PCNX1: variants seen among roughly 807,000 people sequenced by gnomAD.
PCNX1 encodes pecanex-like protein 1.
PCNX1 carries 78 observed loss-of-function variants against 242.2 expected under a neutral mutation model. The observed-to-expected ratio is 0.32, with a 90% confidence interval of 0.27 to 0.39. The LOEUF is 0.39. PCNX1 is among the 10% of genes least tolerant of loss of function. The probability of loss-of-function intolerance (pLI) is 1.00; values close to 1 mark genes in which losing one functional copy is unlikely to be tolerated. For missense variants in PCNX1, 2,581 were observed against 2,856.5 expected (o/e 0.90, Z 2.20); for synonymous variants, 1,024 against 1,032.9 (o/e 0.99, Z 0.17).
intron 1 of PCNX1, among the ~76,000 whole-genome samples, chr14:70,937,204 T>TA (rs1356971962): frequency 6.6e-6 from 1 of 152,238 alleles, no homozygotes; most frequent in Non-Finnish European, 1.5e-5. Flanking sequence ...ATGAAGTCCT[T>TA]ACCCATGCCT....
chr14:70,957,464 T>G (rs967218285), intron 2 of PCNX1, among the ~76,000 whole-genome samples: 1 of 152,180 alleles, frequency 6.6e-6, no homozygotes. Context: ...GAAATACTGA[T>G]GCATGCTACG....
At chr14:71,010,297 ATCAG>A (rs2059787809) in intron 9 of PCNX1, among the ~76,000 whole-genome samples, 1 of 152,120 alleles carries the variant, frequency 6.6e-6, no homozygotes, top group East Asian at 1.9e-4. Flanking sequence ...ATAAAAGCTA[ATCAG>A]GACTTACTCT....
At chr14:70,915,077 A>T (rs1158005858) in intron 1 of PCNX1, among the ~76,000 whole-genome samples, 1 of 152,206 alleles carries the variant, frequency 6.6e-6, no homozygotes, top group African/African-American at 2.4e-5. Flanking sequence ...GTTGAGATTA[A>T]TCCATGGTGT....
At chr14:70,949,276 CGT>C (rs1398655563) in intron 2 of PCNX1, among the ~76,000 whole-genome samples, 4 of 29,442 alleles carry the variant, frequency 1.4e-4, no homozygotes, top group African/African-American at 4.1e-4. Context: ...TATGCACACA[CGT>C]GTATACACAC....
chr14:71,036,734 T>G (rs1033104991), intron 19 of PCNX1, among the ~76,000 whole-genome samples: 9 of 152,246 alleles, frequency 5.9e-5, no homozygotes, highest in African/African-American at 9.6e-5. Context: ...TTGGACTTAT[T>G]TCTGATTCGA....
At chr14:71,098,549 T>TGAGAGAGA (rs1262195701) in intron 30 of PCNX1, among the ~76,000 whole-genome samples, 58 of 128,092 alleles carry the variant, frequency 4.5e-4, no homozygotes, top group African/African-American at 1.7e-3. Flanking sequence ...TGTGTGTGTG[T>TGAGAGAGA]GTGTGAGAGA....
chr14:70,939,363 T>G (rs2057140040), intron 1 of PCNX1, among the ~76,000 whole-genome samples: 1 of 152,222 alleles, frequency 6.6e-6, no homozygotes, highest in African/African-American at 2.4e-5. Flanking sequence ...AAGAACATCT[T>G]TATTTCTGCT....
intron 30 of PCNX1, among the ~76,000 whole-genome samples, chr14:71,100,789 TTTA>T (rs1325845753): frequency 6.6e-6 from 1 of 152,202 alleles, no homozygotes; most frequent in East Asian, 1.9e-4. Context: ...CTTCATTTCT[TTTA>T]TTCTTTTTTC....
Position 71,103,489 on chromosome 14 carries a change from A to G in PCNX1, c.5915A>G (p.Asn1972Ser). ...AACCCAGAGAGAGGTAGCATCCAAA[A>G]TGCAAAGCAAGCCCTGAGAAACATG... ...NRNPERGSIQ[N>S]AKQALRNMIN... The change falls in exon 32 of 36, where the codon AAT (asparagine) becomes AGT (serine). Residue 1972 changes from asparagine (N) to serine (S), a missense_variant. By Grantham distance (46) the Asn-to-Ser change is conservative (BLOSUM62 1). This residue lies in a region of PCNX1 where 298 missense variants were observed against 480.1 expected (regional missense o/e 0.62). Coordinates refer to ENST00000304743, the MANE Select transcript of PCNX1 (RefSeq NM_014982.3). 1 of 1,614,208 alleles carries G rather than the reference A, an allele frequency of 6.2e-7. No individual in the cohort carries two copies. Among genetic ancestry groups the G allele is most frequent in the Non-Finnish European group, 8.5e-7 (1 of 1,180,030 alleles).
chr14:71,009,871 G>T, intron 9 of PCNX1, 147 bp downstream of exon 9: 1 of 463,950 alleles, frequency 2.2e-6, no homozygotes, highest in Non-Finnish European at 3.8e-6. Context: ...AAATATTTAT[G>T]GCATACAACC....
chr14:71,098,541 T>TGA (rs1354142556), intron 30 of PCNX1, among the ~76,000 whole-genome samples: 1 of 138,446 alleles, frequency 7.2e-6, no homozygotes, highest in Non-Finnish European at 1.6e-5. Flanking sequence ...TGTGTGTGTG[T>TGA]GTGTGTGTGT....
At chr14:70,969,134 G>T (rs747624759) in intron 5 of PCNX1, 24 bp downstream of exon 5, 1 of 1,353,958 alleles carries the variant, frequency 7.4e-7, no homozygotes, top group Non-Finnish European at 1.1e-6. Context: ...ACTTTACCAT[G>T]ATGTCATATA....
rs138108698 is a variant in PCNX1, at chr14:71,075,395, GAA to G, written c.5107-793_5107-792del. 8.9e-3 allele frequency among the ~76,000 whole-genome samples: 1,354 copies of G among 152,180 alleles called. 9 individuals are homozygous for G. The highest frequency in any genetic ancestry group is 0.017 in the South Asian group (82 of 4,826). On this transcript the variant is annotated intron_variant, in intron 27 of 35. Coordinates refer to ENST00000304743, the MANE Select transcript of PCNX1 (RefSeq NM_014982.3). Reference sequence around the variant, plus strand: ...TATGTTTGGCTTAACCTAACCTCAGGAAGCTAGAGATTGATTTCACAATATTT... The same window carrying G: ...TATGTTTGGCTTAACCTAACCTCAGGGCTAGAGATTGATTTCACAATATTT...
intron 26 of PCNX1, among the ~76,000 whole-genome samples, chr14:71,060,016 TTC>T (rs2061284639): frequency 6.6e-6 from 1 of 152,220 alleles, no homozygotes; most frequent in Admixed American, 6.5e-5. Context: ...GAATGTCCCT[TTC>T]TCAGAGAAGC....
intron 2 of PCNX1, among the ~76,000 whole-genome samples, chr14:70,959,221 C>CT (rs35385199): frequency 0.032 from 4,591 of 141,524 alleles, 91 homozygotes; most frequent in African/African-American, 0.049. Context: ...TTCCTGTTAT[C>CT]TTTTTTTTTT....
chr14:71,022,877 T>G (rs905756741), intron 12 of PCNX1, among the ~76,000 whole-genome samples: 2 of 152,090 alleles, frequency 1.3e-5, no homozygotes, highest in African/African-American at 4.8e-5. Context: ...ATACCTTAAC[T>G]CCACTTGTAT....
intron 1 of PCNX1, among the ~76,000 whole-genome samples, chr14:70,908,976 G>A (rs989580625): frequency 2.6e-5 from 4 of 152,234 alleles, no homozygotes; most frequent in Non-Finnish European, 5.9e-5. Flanking sequence ...AAATTTTAAA[G>A]TAGTCAGAGG....
intron 2 of PCNX1, among the ~76,000 whole-genome samples, chr14:70,961,278 A>G (rs1419871908): frequency 6.6e-6 from 1 of 152,210 alleles, no homozygotes; most frequent in African/African-American, 2.4e-5. Flanking sequence ...CTACAAGGCT[A>G]CAGTAACCAA....
At chr14:71,006,862 A>G (rs1047572799) in intron 8 of PCNX1, among the ~76,000 whole-genome samples, 1 of 152,188 alleles carries the variant, frequency 6.6e-6, no homozygotes, top group African/African-American at 2.4e-5. Context: ...TCTAAAGTAC[A>G]TAGACTTGTT....
Sources: allele counts gnomAD v4.1 joint callset (sites outside exome capture counted in the v4.1 genomes callset), GRCh38; gene constraint gnomAD v4.1.1; regional missense constraint gnomAD v4.1.1; transcripts MANE v1.5; gene names NCBI Gene and HGNC (gene_info 2026-07-23, HGNC 2026-07-21).